The following SLC15A5 variants were observed in gnomAD, a reference collection of about 807,000 sequenced individuals.
SLC15A5 encodes Peptide/histidine transporter ENSP00000340402.
SLC15A5 carries 58 observed loss-of-function variants against 56.1 expected under a neutral mutation model. The observed-to-expected ratio is 1.03, with a 90% CI of 0.84 to 1.29. The LOEUF (loss-of-function observed/expected upper bound fraction) is 1.29, where lower values mean the gene tolerates loss of function less well. Ranked by LOEUF, SLC15A5 falls within the 50% of genes most tolerant of loss-of-function variation. The pLI, the probability that SLC15A5 is intolerant of heterozygous loss-of-function variation, is 0.00. For synonymous variants in SLC15A5, 264 were observed against 250.5 expected (o/e 1.05, Z -0.51); for missense variants, 681 against 672.1 (o/e 1.01, Z -0.15).
At chr12:16,247,380 G>A (rs572720274) in intron 3 of SLC15A5, among the ~76,000 whole-genome samples, 16 of 152,084 alleles carry the variant, frequency 1.1e-4, no homozygotes, top group Non-Finnish European at 1.8e-4. Flanking sequence ...TTTATTCCAC[G>A]TACTTACTGA....
At chr12:16,194,657 G>A (rs1371857290) in intron 7 of SLC15A5, among the ~76,000 whole-genome samples, 1 of 151,956 alleles carries the variant, frequency 6.6e-6, no homozygotes, top group African/African-American at 2.4e-5. Context: ...ATATTTTGAA[G>A]GTCACAAAAC....
chr12:16,228,116 G>T (rs1219165855), intron 5 of SLC15A5, among the ~76,000 whole-genome samples: 3 of 152,166 alleles, frequency 2.0e-5, no homozygotes, highest in Non-Finnish European at 4.4e-5. Context: ...TTAATTTTGA[G>T]TTGAGTTGGA....
chr12:16,214,821 G>A (rs1378920082), intron 7 of SLC15A5, among the ~76,000 whole-genome samples: 1 of 152,066 alleles, frequency 6.6e-6, no homozygotes, highest in African/African-American at 2.4e-5. Flanking sequence ...ATACCTGAGG[G>A]AGTCTGTGGG....
At chr12:16,244,858 G>A in intron 3 of SLC15A5, 58 bp from the exon 4 acceptor site, 7 of 1,473,050 alleles carry the variant, frequency 4.8e-6, no homozygotes, top group Non-Finnish European at 6.4e-6. Context: ...AGTTTTTCAA[G>A]ATGCTGATCA....
At chr12:16,245,591 C>T (rs1465173524) in intron 3 of SLC15A5, among the ~76,000 whole-genome samples, 1 of 152,114 alleles carries the variant, frequency 6.6e-6, no homozygotes, top group Non-Finnish European at 1.5e-5. Flanking sequence ...TAAGAGACCC[C>T]CGTTTAGGCA....
intron 7 of SLC15A5, among the ~76,000 whole-genome samples, chr12:16,206,758 A>C (rs538208008): frequency 7.4e-4 from 113 of 152,258 alleles, no homozygotes; most frequent in Non-Finnish European, 1.4e-3. Flanking sequence ...AGATCTTGGG[A>C]ACTGTGGATA....
chr12:16,199,757 A>G (rs563438141), intron 7 of SLC15A5, among the ~76,000 whole-genome samples: 6 of 152,294 alleles, frequency 3.9e-5, no homozygotes, highest in East Asian at 1.9e-4. Context: ...TTTTAAAATA[A>G]TAAAAGAAGT....
At chr12:16,213,115 C>T (rs982956342) in intron 7 of SLC15A5, among the ~76,000 whole-genome samples, 1 of 151,952 alleles carries the variant, frequency 6.6e-6, no homozygotes, top group Non-Finnish European at 1.5e-5. Context: ...ATTTTGGAAG[C>T]CATATTTTAA....
At chr12:16,209,593 A>G (rs1864058842) in intron 7 of SLC15A5, among the ~76,000 whole-genome samples, 1 of 152,132 alleles carries the variant, frequency 6.6e-6, no homozygotes, top group Non-Finnish European at 1.5e-5. Context: ...TTTAAAGTCT[A>G]TTCTTCTTCC....
At chr12:16,275,609 T>C (rs1256391515) in intron 1 of SLC15A5, among the ~76,000 whole-genome samples, 7 of 152,036 alleles carry the variant, frequency 4.6e-5, no homozygotes, top group Admixed American at 3.3e-4. Flanking sequence ...ACCTTTCTTA[T>C]ATATAACCTC....
At chr12:16,193,233 A>G (rs1467579913) in intron 8 of SLC15A5, among the ~76,000 whole-genome samples, 2 of 152,098 alleles carry the variant, frequency 1.3e-5, no homozygotes, top group Non-Finnish European at 2.9e-5. Flanking sequence ...TGAGATCAGC[A>G]TTTAGGAAAA....
chr12:16,194,515 A>C (rs544985543), intron 7 of SLC15A5, 62 bp from the exon 8 acceptor site: 1 of 1,140,498 alleles, frequency 8.8e-7, no homozygotes, highest in Non-Finnish European at 1.2e-6. Flanking sequence ...TGAATATTTT[A>C]TCATTCCACA....
chr12:16,223,084 T>C (rs111505814), intron 6 of SLC15A5, among the ~76,000 whole-genome samples: 1 of 152,196 alleles, frequency 6.6e-6, no homozygotes, highest in Non-Finnish European at 1.5e-5. Context: ...TTAATTTTAT[T>C]TTCATTATTT....
chr12:16,237,806 T>A lies in SLC15A5; in HGVS notation c.1162+1875A>T, dbSNP rs1864366532. Among the ~76,000 whole-genome samples the A allele has an allele frequency of 6.6e-6, 1 of 152,298 alleles. No homozygotes were observed. The highest frequency in any genetic ancestry group is 1.9e-4 in the East Asian group (1 of 5,184). On this transcript the variant is annotated intron_variant, in intron 5 of 8. Coordinates refer to ENST00000344941, the MANE Select transcript of SLC15A5 (RefSeq NM_001170798.1). This position sits in a 1 kb window ranked among gnomAD's most constrained non-coding sequence, Gnocchi z 4.1. ...ATGACACTGTACAAAACTGCTGAGA[T>A]TTTTGGCATTTCACAATATGATTTT...
At chr12:16,191,456 A>G (rs1863837684) in intron 8 of SLC15A5, among the ~76,000 whole-genome samples, 1 of 152,042 alleles carries the variant, frequency 6.6e-6, no homozygotes. Context: ...TAGATTTGCC[A>G]CTATTACCTG....
At chr12:16,201,023 A>G (rs1304041854) in intron 7 of SLC15A5, among the ~76,000 whole-genome samples, 1 of 152,154 alleles carries the variant, frequency 6.6e-6, no homozygotes, top group Non-Finnish European at 1.5e-5. Context: ...GGAGATAACA[A>G]TGTTTAGTTA....
intron 2 of SLC15A5, among the ~76,000 whole-genome samples, chr12:16,265,219 G>A (rs911773827): frequency 1.3e-5 from 2 of 152,138 alleles, no homozygotes; most frequent in African/African-American, 4.8e-5. Context: ...GCTATTGTAA[G>A]TCTGGATGAG....
At chr12:16,244,024 T>C (rs1022376970) in intron 4 of SLC15A5, among the ~76,000 whole-genome samples, 1 of 152,196 alleles carries the variant, frequency 6.6e-6, no homozygotes, top group Non-Finnish European at 1.5e-5. Context: ...ATCACATATA[T>C]CTATAAAAGG....
rs527933005 is a variant in SLC15A5 at position 16,232,451 on chromosome 12, T to C, written c.1162+7230A>G. ...AAAATGGAAGAAAGGAAACTTTTTT[T>C]AAAAATAAAATTTTTCTAATTGAAA... On this transcript the variant is annotated intron_variant, in intron 5 of 8. Coordinates refer to ENST00000344941, the MANE Select transcript of SLC15A5 (RefSeq NM_001170798.1). Among the ~76,000 whole-genome samples the C allele has an allele frequency of 4.6e-5, 7 of 152,266 alleles. No homozygotes were observed. In the South Asian group the frequency reaches 1.5e-3, roughly 32 times the overall value.
Sources: gnomAD v4.1 joint callset for allele counts (sites outside exome capture counted in the v4.1 genomes callset) on GRCh38, gnomAD v4.1.1 for gene constraint, Gnocchi (gnomAD v3.1) non-coding constraint, MANE v1.5 for transcripts, NCBI Gene and HGNC (gene_info 2026-07-23, HGNC 2026-07-21) for gene names.